The following LPIN1 variants were observed in gnomAD, a reference collection of about 807,000 sequenced individuals.
The protein encoded by LPIN1 is lipin 1.
Under a neutral mutation model 107.5 loss-of-function variants are expected in LPIN1, and 71 were observed. That is an observed-to-expected ratio of 0.66 (90% CI 0.55 to 0.80). The LOEUF (loss-of-function observed/expected upper bound fraction) is 0.80. LPIN1 is among the 30% of genes least tolerant of loss of function. The pLI, the probability that LPIN1 is intolerant of heterozygous loss-of-function variation, is 0.00. For missense variants in LPIN1, 1,043 were observed against 1,160.6 expected, an observed-to-expected ratio of 0.90 and a Z score of 1.47; for synonymous variants, 445 against 452.6, an observed-to-expected ratio of 0.98 and a Z score of 0.21.
At chr2:11,712,311 GAGGCAGTTCAACTGTCCCCTCCTGCAGA>G (rs1225378121) in intron 1 of LPIN1, among the ~76,000 whole-genome samples, 7 of 152,186 alleles carry the variant, frequency 4.6e-5, no homozygotes, top group Non-Finnish European at 1.0e-4. Flanking sequence ...TCACCCTGCA[GAGGCAGTTCAACTGTCCCCTCCTGCAGA>G]AGGCACGAAC....
chr2:11,813,064 G>C (rs1015255068), intron 17 of LPIN1, among the ~76,000 whole-genome samples: 4 of 152,188 alleles, frequency 2.6e-5, no homozygotes, highest in African/African-American at 9.6e-5. Context: ...GGGCCCCCGA[G>C]GAGTCTCGGG....
Position 11,826,513 on chromosome 2 carries a change from C to CAAAA in LPIN1, c.*1743_*1746dup, listed in dbSNP as rs11287978. ...TGGGTGACAGAGTAAGACTCCATGT[C>CAAAA]AAAAAAAAAAAAAAAAAAAAAAAAG... On this transcript the variant is annotated 3_prime_UTR_variant, in exon 21 of 21. Coordinates refer to ENST00000674199, the MANE Select transcript of LPIN1 (RefSeq NM_001349206.2). 1.5e-4 allele frequency: 11 copies of CAAAA among 74,730 alleles called. No homozygotes were observed. The highest frequency in any genetic ancestry group is 4.9e-4 in the Admixed American group (3 of 6,124). 4.6% of individuals were successfully genotyped at this position (74,730 alleles called of 1,614,324 possible).
chr2:11,771,753 T>C lies in LPIN1; in HGVS notation c.596+74T>C. On this transcript the variant is annotated intron_variant, in intron 4 of 20. Coordinates refer to ENST00000674199, the MANE Select transcript of LPIN1 (RefSeq NM_001349206.2). The surrounding 1 kb of genome is among the most constrained non-coding windows in gnomAD (Gnocchi z 4.8). Reference sequence around the variant, plus strand: ...CTGTTCAAGATTATTTTTATGAACTTTTCCCCCATAATTCCTTATTCTTTT... The same window carrying C: ...CTGTTCAAGATTATTTTTATGAACTCTTCCCCCATAATTCCTTATTCTTTT... 2 of 1,427,728 alleles carry C rather than the reference T, an allele frequency of 1.4e-6. No homozygotes were observed. Among genetic ancestry groups the C allele is most frequent in the Non-Finnish European group, 1.9e-6 (2 of 1,044,600 alleles). The allele number at this position is 1,427,728 out of a possible 1,614,324, so 88.4% of individuals were successfully genotyped here.
At position 11,774,498 on chromosome 2, in the gene LPIN1, G is replaced by A. The variant is rs933728404; in HGVS notation, c.722+753G>A. Among the ~76,000 whole-genome samples, 4 of 152,174 alleles carry A rather than the reference G, an allele frequency of 2.6e-5. No homozygotes were observed. Among genetic ancestry groups the A allele is most frequent in the Non-Finnish European group, 4.4e-5 (3 of 68,038 alleles). On this transcript the variant is annotated intron_variant, in intron 5 of 20. Transcript: ENST00000674199. The surrounding 1 kb of genome is among the most constrained non-coding windows in gnomAD (Gnocchi z 4.4). ...AAAATCTCATGGTGGGTGGAGTTGG[G>A]CTATTAATTTCTCAGAATGCTCAGG...
rs755384579 is a variant in LPIN1 at position 11,786,784 on chromosome 2, C to T, written c.1550-290C>T. Among the ~76,000 whole-genome samples the T allele has an allele frequency of 6.6e-5, 10 of 152,334 alleles. No homozygotes were observed. Among genetic ancestry groups the T allele is most frequent in the Non-Finnish European group, 1.0e-4 (7 of 68,030 alleles). ...CCATGACTCTGCCTGTGCAGATGCA[C>T]GTGTGTGCTGTTTTCACCCCTACTC... On this transcript the variant is annotated intron_variant, in intron 10 of 20. Transcript: ENST00000674199. This position sits in a 1 kb window ranked among gnomAD's most constrained non-coding sequence, Gnocchi z 4.1.
At position 11,826,440 on chromosome 2, in the gene LPIN1, C is replaced by T. The variant is rs1459509506; in HGVS notation, c.*1649C>T. The T allele has an allele frequency of 6.7e-6, 1 of 149,120 alleles. No individual in the cohort carries two copies. The highest frequency in any genetic ancestry group is 1.5e-5 in the Non-Finnish European group (1 of 67,636). The allele number at this position is 149,120 out of a possible 1,614,324, so 9.2% of individuals were successfully genotyped here. A position where few individuals can be genotyped will look rare whatever the true frequency, so the allele number is the denominator to read the frequency against. On this transcript the variant is annotated 3_prime_UTR_variant, in exon 21 of 21. Transcript: ENST00000674199. ...GGTATTAAAAATAATTAAAAATAGTCCTGCCTGAGGTTGCAGTGAGCCGAG... is the reference window on the plus strand; with the variant it reads ...GGTATTAAAAATAATTAAAAATAGTTCTGCCTGAGGTTGCAGTGAGCCGAG...
chr2:11,768,662 C>G (rs1671330090), intron 3 of LPIN1, among the ~76,000 whole-genome samples: 1 of 152,108 alleles, frequency 6.6e-6, no homozygotes. Flanking sequence ...TGGGGCTGGG[C>G]ATGGTGGCTC....
rs1053767444 is a variant in LPIN1 at position 11,697,966 on chromosome 2, G to A, written c.82-15790G>A. Among the ~76,000 whole-genome samples, 2 of 152,194 alleles carry A rather than the reference G, an allele frequency of 1.3e-5. No individual in the cohort carries two copies. The highest frequency in any genetic ancestry group is 4.8e-5 in the African/African-American group (2 of 41,450). ...TGGCTTCCTGACCCAGAAGTGCCCAGTTTTGCCTACAGTCCTGGTGGAGCC... is the reference window on the plus strand; with the variant it reads ...TGGCTTCCTGACCCAGAAGTGCCCAATTTTGCCTACAGTCCTGGTGGAGCC... On this transcript the variant is annotated intron_variant, in intron 1 of 21. Transcript: ENST00000449576. The surrounding 1 kb of genome is among the most constrained non-coding windows in gnomAD (Gnocchi z 4.6).
chr2:11,791,822 A>G lies in LPIN1; in HGVS notation c.1714-92A>G, dbSNP rs766403934. On this transcript the variant is annotated intron_variant, in intron 12 of 20. Coordinates refer to ENST00000674199, the MANE Select transcript of LPIN1 (RefSeq NM_001349206.2). Reference sequence around the variant, plus strand: ...TTTCTCTGATTTTTTTTTAAATCTTACTTTAATTTGCATGTATGTTTCTTT... The same window carrying G: ...TTTCTCTGATTTTTTTTTAAATCTTGCTTTAATTTGCATGTATGTTTCTTT... 4 of 1,537,170 alleles carry G rather than the reference A, an allele frequency of 2.6e-6. No individual in the cohort carries two copies. In the East Asian group the frequency reaches 9.6e-5, roughly 37 times the overall value.
At chr2:11,789,907 CTATA>C (rs1675418151) in intron 12 of LPIN1, among the ~76,000 whole-genome samples, 1 of 152,282 alleles carries the variant, frequency 6.6e-6, no homozygotes, top group Non-Finnish European at 1.5e-5. Context: ...TAACTTTTGA[CTATA>C]TATGGCATTT....
At chr2:11,813,624 G>C (rs1209079300) in intron 17 of LPIN1, among the ~76,000 whole-genome samples, 2 of 152,120 alleles carry the variant, frequency 1.3e-5, no homozygotes, top group Non-Finnish European at 2.9e-5. Context: ...GTTAAAAAAA[G>C]TGAAATGGGG....
At chr2:11,773,514 C>T in intron 4 of LPIN1, 106 bp from the exon 5 acceptor site, 1 of 954,078 alleles carries the variant, frequency 1.0e-6, no homozygotes, top group Non-Finnish European at 1.7e-6. Flanking sequence ...TTAAAGAGAT[C>T]ATGTTAATTA....
At chr2:11,806,555 A>AT (rs1437054150) in intron 17 of LPIN1, among the ~76,000 whole-genome samples, 15 of 152,090 alleles carry the variant, frequency 9.9e-5, no homozygotes, top group African/African-American at 2.7e-4. Context: ...ACATAGTGAG[A>AT]TTCCCCCCCA....
In LPIN1 at chr2:11,786,995, G is replaced by C. The variant is rs1196882572; in HGVS notation, c.1550-79G>C. 9.8e-6 allele frequency: 9 copies of C among 917,688 alleles called. No individual in the cohort carries two copies. Among genetic ancestry groups the C allele is most frequent in the Non-Finnish European group, 1.5e-5 (8 of 546,914 alleles). 56.8% of individuals were successfully genotyped at this position (917,688 alleles called of 1,614,324 possible). On this transcript the variant is annotated intron_variant, in intron 10 of 20. Transcript: ENST00000674199. The surrounding 1 kb of genome is among the most constrained non-coding windows in gnomAD (Gnocchi z 4.1). The stretch of plus-strand genomic sequence containing the variant: ...AAACTCTCAGAAAACACTTGTGAGT[G>C]AGCAAATGAAAGGTAGGCCTAATTT...
intron 1 of LPIN1, among the ~76,000 whole-genome samples, chr2:11,732,988 A>G (rs1390295485): frequency 6.6e-6 from 1 of 151,718 alleles, no homozygotes; most frequent in African/African-American, 2.4e-5. Context: ...ATATTTCCAC[A>G]TATATTTGGA....
chr2:11,748,715 T>G (rs73185109), intron 1 of LPIN1, among the ~76,000 whole-genome samples: 12,593 of 152,172 alleles, frequency 0.083, 1,727 homozygotes, highest in African/African-American at 0.29. Context: ...CCGGACCATC[T>G]GTGTACTGGG....
chr2:11,686,350 G>A (rs1662000849), intron 1 of LPIN1, among the ~76,000 whole-genome samples: 1 of 152,188 alleles, frequency 6.6e-6, no homozygotes, highest in African/African-American at 2.4e-5. Flanking sequence ...CCTGGAGAAG[G>A]GGGAACCAGA....
chr2:11,784,790 G>A (rs976001458), intron 9 of LPIN1, 96 bp from the exon 10 acceptor site: 3 of 1,146,842 alleles, frequency 2.6e-6, no homozygotes, highest in African/African-American at 3.0e-5. Context: ...CTGCGGCTCT[G>A]AGGGTGGCCG....
intron 14 of LPIN1, among the ~76,000 whole-genome samples, chr2:11,799,396 A>G (rs1357764107): frequency 6.7e-6 from 1 of 150,184 alleles, no homozygotes; most frequent in Non-Finnish European, 1.5e-5. Flanking sequence ...TTTGGTTGGA[A>G]CATAAACATT....
Sources: allele counts gnomAD v4.1 joint callset (sites outside exome capture counted in the v4.1 genomes callset), GRCh38; gene constraint gnomAD v4.1.1; non-coding constraint Gnocchi (gnomAD v3.1); transcripts MANE v1.5; gene names NCBI Gene and HGNC (gene_info 2026-07-23, HGNC 2026-07-21).